DHX57: variants seen among roughly 807,000 people sequenced by gnomAD.
The protein encoded by DHX57 is putative ATP-dependent RNA helicase DHX57.
In DHX57, 105 loss-of-function variants were observed where a neutral mutation model predicts 156.2. That is an observed-to-expected ratio of 0.67 (90% confidence interval 0.57 to 0.79). The LOEUF is 0.79. Among genes scored for constraint, DHX57 ranks in the 30% least tolerant of loss-of-function variants. The pLI is 0.00. For missense variants in DHX57, 1,847 were observed against 1,661.9 expected (o/e 1.11, Z -1.94); for synonymous variants, 704 against 595.6 (o/e 1.18, Z -2.65).
chr2:38,837,696 T>G, intron 13 of DHX57, 135 bp downstream of exon 13: 1 of 555,320 alleles, frequency 1.8e-6, no homozygotes. Context: ...CTGCAAAGCC[T>G]GTATTCTTAA....
intron 11 of DHX57, among the ~76,000 whole-genome samples, chr2:38,846,650 G>C (rs1482598799): frequency 1.3e-5 from 2 of 150,970 alleles, no homozygotes; most frequent in Admixed American, 6.6e-5. Context: ...GAAAAAGTAA[G>C]TAGAGGGACT....
At chr2:38,834,331 CAAAA>C (rs33985881) in intron 13 of DHX57, among the ~76,000 whole-genome samples, 1 of 83,862 alleles carries the variant, frequency 1.2e-5, no homozygotes, top group African/African-American at 4.3e-5. Context: ...AACTCCATCT[CAAAA>C]AAAAAAAAAA....
chr2:38,847,773 C>T (rs772730093), intron 10 of DHX57, among the ~76,000 whole-genome samples: 4 of 151,860 alleles, frequency 2.6e-5, no homozygotes, highest in African/African-American at 4.8e-5. Context: ...TTTAAAAGTC[C>T]CCTAAAAAAA....
intron 21 of DHX57, among the ~76,000 whole-genome samples, chr2:38,812,997 A>G (rs1317463126): frequency 6.6e-6 from 1 of 151,606 alleles, no homozygotes; most frequent in African/African-American, 2.4e-5. Flanking sequence ...ACAGGCATGC[A>G]CCACCACACC....
At chr2:38,821,987 G>C (rs906045504) in intron 17 of DHX57, among the ~76,000 whole-genome samples, 45 of 152,226 alleles carry the variant, frequency 3.0e-4, no homozygotes, top group African/African-American at 1.1e-3. Context: ...CTAATGAAGA[G>C]ATTGAATTAA....
chr2:38,843,130 C>T lies in DHX57; in HGVS notation c.2300G>A (p.Arg767Lys). Reference sequence around the variant, plus strand: ...TTCTTCCACTTCTTCAAATGCAGTTCTGTTCCGCCTTGCTTTAAGCTTTTC... The same window carrying T: ...TTCTTCCACTTCTTCAAATGCAGTTTTGTTCCGCCTTGCTTTAAGCTTTTC... ...SKEKLKARRN[R>K]TAFEEVEEDL... The change falls in exon 12 of 24, where the codon AGA (arginine) becomes AAA (lysine). Residue 767 changes from arginine to lysine, a missense_variant. By Grantham distance (26) the Arg-to-Lys change is conservative. Coordinates refer to ENST00000457308, the MANE Select transcript of DHX57 (RefSeq NM_198963.3). 1.2e-6 allele frequency: 2 copies of T among 1,614,220 alleles called. No individual in the cohort carries two copies. Among genetic ancestry groups the T allele is most frequent in the South Asian group, 2.2e-5 (2 of 91,090 alleles).
intron 2 of DHX57, chr2:38,867,356 T>C (rs773811218): frequency 3.3e-5 from 5 of 152,252 alleles, no homozygotes; most frequent in Non-Finnish European, 7.3e-5. Context: ...TAGCAAAACA[T>C]TTACTTTTAT....
At position 38,861,999 on chromosome 2, in the gene DHX57, C is replaced by G. The variant is rs539744338; in HGVS notation, c.572+146G>C. The G allele has an allele frequency of 5.9e-5, 71 of 1,204,420 alleles. No individual in the cohort carries two copies. In the African/African-American group the frequency reaches 1.0e-3, roughly 18 times the overall value. The allele number at this position is 1,204,420 out of a possible 1,614,324, so 74.6% of individuals were successfully genotyped here. ...ATAACAATAAGCCCCCCTGAATGAC[C>G]CCTTCTGATAAGATAGAATATTAGG... On this transcript the variant is annotated intron_variant, in intron 4 of 23. Transcript: ENST00000457308.
intron 13 of DHX57, among the ~76,000 whole-genome samples, chr2:38,829,769 G>C (rs1208580398): frequency 6.6e-6 from 1 of 151,890 alleles, no homozygotes; most frequent in Non-Finnish European, 1.5e-5. Flanking sequence ...TTATAAGACA[G>C]GAAGACAATT....
chr2:38,823,745 C>T (rs1670946955), intron 16 of DHX57, among the ~76,000 whole-genome samples: 1 of 152,220 alleles, frequency 6.6e-6, no homozygotes, highest in Non-Finnish European at 1.5e-5. Context: ...CGCGCAGTGG[C>T]TCACGTCTGT....
In DHX57 at chr2:38,824,741, G is replaced by A. The variant is rs180869417; in HGVS notation, c.3014+1106C>T. On this transcript the variant is annotated intron_variant, in intron 16 of 23. Coordinates refer to ENST00000457308, the MANE Select transcript of DHX57 (RefSeq NM_198963.3). ...TGGCTCACTGCAACCTCCACCTCCC[G>A]GGTTCAAGTGATTCTCCTGCTTCAG... Among the ~76,000 whole-genome samples the A allele has an allele frequency of 3.8e-4, 58 of 152,170 alleles. 1 individual carries two copies. The East Asian group carries it at 6.2e-3, about 16-fold the overall frequency.
At chr2:38,814,784 G>A (rs1054250287) in intron 20 of DHX57, among the ~76,000 whole-genome samples, 22 of 151,222 alleles carry the variant, frequency 1.5e-4, no homozygotes, top group Non-Finnish European at 3.1e-4. Flanking sequence ...GTGCAATGGC[G>A]CGATCTCGGC....
chr2:38,842,359 GAAAATACAGC>G (rs1175507616), intron 12 of DHX57, among the ~76,000 whole-genome samples: 1 of 152,178 alleles, frequency 6.6e-6, no homozygotes, highest in Non-Finnish European at 1.5e-5. Context: ...CCTGAATCAG[GAAAATACAGC>G]AAAAATAAAC....
At chr2:38,819,259 T>C in intron 17 of DHX57, 115 bp from the exon 18 acceptor site, 1 of 903,962 alleles carries the variant, frequency 1.1e-6, no homozygotes, top group Non-Finnish European at 1.7e-6. Context: ...ACTGCAACCT[T>C]TATCTCCCAG....
chr2:38,826,792 T>C, intron 14 of DHX57, 103 bp from the exon 15 acceptor site: 17 of 1,251,206 alleles, frequency 1.4e-5, no homozygotes, highest in Middle Eastern at 1.9e-4. Context: ...CTTCAGGTAT[T>C]AGCAACTTCT....
Position 38,822,999 on chromosome 2 carries a change from A to C in DHX57, c.3285T>G (p.Ser1095=), listed in dbSNP as rs3770681. The change falls in exon 17 of 24, where the codon TCT becomes TCG. Residue 1095 remains serine, a synonymous_variant. Transcript: ENST00000457308. ...LTIAASLAFK[S]PFVSPWDKKE... is the part of the protein sequence containing the mutation. ...ATGAATGTTGTTTACTTACAAACGG[A>C]GACTTAAAAGCCAAACTGGCAGCAA... 1,027,521 of 1,613,100 alleles carry C rather than the reference A, an allele frequency of 0.64. 331,744 individuals are homozygous for C. The highest frequency in any genetic ancestry group is 0.83 in the East Asian group (37,306 of 44,818).
chr2:38,874,848 A>T (rs1366978799), intron 1 of DHX57, among the ~76,000 whole-genome samples: 1 of 152,208 alleles, frequency 6.6e-6, no homozygotes, highest in Non-Finnish European at 1.5e-5. Context: ...CAGGCAAGAA[A>T]AATAACAGGT....
At chr2:38,857,704 T>A (rs2124921754) in intron 6 of DHX57, among the ~76,000 whole-genome samples, 1 of 152,334 alleles carries the variant, frequency 6.6e-6, no homozygotes, top group East Asian at 1.9e-4. Context: ...CCCTCAGGAT[T>A]CACTTATGAA....
intron 17 of DHX57, among the ~76,000 whole-genome samples, chr2:38,822,178 G>A (rs796351045): frequency 4.6e-5 from 7 of 152,148 alleles, no homozygotes; most frequent in African/African-American, 1.7e-4. Context: ...TGCCTCCCAG[G>A]TTCAAGTGAT....
Sources: allele counts gnomAD v4.1 joint callset (sites outside exome capture counted in the v4.1 genomes callset), GRCh38; gene constraint gnomAD v4.1.1; transcripts MANE v1.5; gene names NCBI Gene and HGNC (gene_info 2026-07-23, HGNC 2026-07-21).